The following MTFR2 variants were observed in gnomAD, a reference collection of about 807,000 sequenced individuals.
The protein encoded by MTFR2 is DUF729 domain-containing protein 1.
MTFR2 carries 44 observed loss-of-function variants against 41.2 expected under a neutral mutation model. The ratio of observed to expected loss-of-function variants is 1.07; its 90% CI spans 0.84 to 1.37. The LOEUF is 1.37. MTFR2 is among the 40% of genes most tolerant of loss of function. The pLI, the probability that MTFR2 is intolerant of heterozygous loss-of-function variation, is 0.00. For synonymous variants in MTFR2, 141 were observed against 154.6 expected (o/e 0.91, Z 0.65); for missense variants, 452 against 459.5 (o/e 0.98, Z 0.15).
At chr6:136,239,930 G>T in intron 5 of MTFR2, 110 bp from the exon 6 acceptor site, 1 of 804,774 alleles carries the variant, frequency 1.2e-6, no homozygotes, top group Non-Finnish European at 1.9e-6. Context: ...AATGCTAGTA[G>T]CGATATGGTA....
At chr6:136,245,197 A>T (rs914978376) in intron 2 of MTFR2, among the ~76,000 whole-genome samples, 6 of 152,244 alleles carry the variant, frequency 3.9e-5, no homozygotes, top group African/African-American at 1.4e-4. Context: ...GTTCAAAAAA[A>T]TTGCATCCCC....
chr6:136,246,435 A>G (rs1403403323), intron 2 of MTFR2, among the ~76,000 whole-genome samples: 1 of 151,942 alleles, frequency 6.6e-6, no homozygotes, highest in Non-Finnish European at 1.5e-5. Context: ...GGTGCACACA[A>G]CCATGCCTGG....
rs547157667 is a variant in MTFR2 at position 136,249,112 on chromosome 6, T to C, written c.-13A>G. 1.3e-6 allele frequency: 2 copies of C among 1,568,246 alleles called. No individual in the cohort carries two copies. The highest frequency in any genetic ancestry group is 1.4e-5 in the African/African-American group (1 of 71,826). On this transcript the variant is annotated 5_prime_UTR_variant, in exon 2 of 8. Transcript: ENST00000420702. ...GTATGAGAGACATTGATGAAGCAAA[T>C]ACAGAAGCCAATTCAAAGGAACATT...
chr6:136,233,344 GA>G lies in MTFR2; in HGVS notation c.1024del (p.Ser342LeufsTer40). On this transcript the variant is annotated frameshift_variant, in exon 7 of 8. Coordinates refer to ENST00000420702, the MANE Select transcript of MTFR2 (RefSeq NM_001099286.3). LOFTEE classifies it high-confidence loss of function. The part of the protein sequence containing the change: ...ENRSWESSPF[S>X]SPETSRFGHH... Reference sequence around the variant, plus strand: ...GCTTACCCTTGAAGTTTCTGGACTAGAAAATGGGGAAGATTCCCAAGATCTA... The same window carrying G: ...GCTTACCCTTGAAGTTTCTGGACTAGAAATGGGGAAGATTCCCAAGATCTA... The G allele has an allele frequency of 6.2e-7, 1 of 1,612,722 alleles. No individual in the cohort carries two copies. The highest frequency in any genetic ancestry group is 8.5e-7 in the Non-Finnish European group (1 of 1,179,250).
intron 6 of MTFR2, among the ~76,000 whole-genome samples, chr6:136,235,988 C>T (rs972135264): frequency 1.3e-5 from 2 of 152,020 alleles, no homozygotes; most frequent in Admixed American, 6.6e-5. Flanking sequence ...TCAAATGCTG[C>T]CAAGAGGTCA....
intron 4 of MTFR2, among the ~76,000 whole-genome samples, 154 bp from the exon 5 acceptor site, chr6:136,241,830 AC>A (rs201875873): frequency 0.012 from 1,775 of 152,176 alleles, 32 homozygotes; most frequent in African/African-American, 0.04. Flanking sequence ...TGTAATCCCA[AC>A]ACTTTGGGGG....
chr6:136,237,461 C>A (rs1315901784), intron 6 of MTFR2, among the ~76,000 whole-genome samples: 1 of 152,100 alleles, frequency 6.6e-6, no homozygotes, highest in Non-Finnish European at 1.5e-5. Context: ...ATAAGACCAA[C>A]AAAACCAAAA....
rs539842885 is a variant in MTFR2 at position 136,231,173 on chromosome 6, A to G, written c.*102T>C. ...AAAATGTGTCAAGAAGAGTCTTTAA[A>G]TACATCTACTTTTAGCCTTTAACAG... On this transcript the variant is annotated 3_prime_UTR_variant, in exon 8 of 8. Transcript: ENST00000420702. 1.9e-5 allele frequency: 14 copies of G among 727,052 alleles called. No individual in the cohort carries two copies. In the Admixed American group the frequency reaches 3.1e-4, roughly 16 times the overall value. The allele number at this position is 727,052 out of a possible 1,614,324, so 45.0% of individuals were successfully genotyped here.
rs150719516 is a variant in MTFR2 at position 136,250,256 on chromosome 6, C to G, written c.-335G>C. Reference sequence around the variant, plus strand: ...GCGCCCCCGTCCTCCTGCGCCCAACCAACCCACCTGCTAGTCCCTAGGACC... The same window carrying G: ...GCGCCCCCGTCCTCCTGCGCCCAACGAACCCACCTGCTAGTCCCTAGGACC... On this transcript the variant is annotated 5_prime_UTR_variant, in exon 1 of 8. Coordinates refer to ENST00000420702, the MANE Select transcript of MTFR2 (RefSeq NM_001099286.3). 3 of 152,910 alleles carry G rather than the reference C, an allele frequency of 2.0e-5. No individual in the cohort carries two copies. The highest frequency in any genetic ancestry group is 2.9e-5 in the Non-Finnish European group (2 of 68,714). The allele number at this position is 152,910 out of a possible 1,614,324, so 9.5% of individuals were successfully genotyped here. A position where few individuals can be genotyped will look rare whatever the true frequency, so the allele number is the denominator to read the frequency against.
At chr6:136,246,066 G>A (rs541679199) in intron 2 of MTFR2, among the ~76,000 whole-genome samples, 10 of 152,032 alleles carry the variant, frequency 6.6e-5, no homozygotes, top group Non-Finnish European at 1.3e-4. Flanking sequence ...ATTCATCTGC[G>A]TACCCCTGCT....
Position 136,239,731 on chromosome 6 carries a change from G to C in MTFR2, c.604C>G (p.Pro202Ala). The change falls in exon 6 of 8, where the codon CCA becomes GCA. Residue 202 changes from proline to alanine, a missense_variant. By Grantham distance (27) the Pro-to-Ala change is conservative. Transcript: ENST00000420702. ...GGAGGAGGAGAAAGCACTGAACCTG[G>C]AAGCTGATCTGGGTCCACACTCAGA... ...AHLSVDPDQL[P>A]GSVLSPPPPP... 1.2e-6 allele frequency: 2 copies of C among 1,614,082 alleles called. No homozygotes were observed. The highest frequency in any genetic ancestry group is 1.7e-6 in the Non-Finnish European group (2 of 1,180,016).
chr6:136,233,293 T>A, intron 7 of MTFR2, 32 bp downstream of exon 7: 1 of 1,592,756 alleles, frequency 6.3e-7, no homozygotes. Flanking sequence ...TGAGAAAAAC[T>A]GAAAAATTAA....
At chr6:136,245,717 G>A (rs1437507420) in intron 2 of MTFR2, among the ~76,000 whole-genome samples, 1 of 152,184 alleles carries the variant, frequency 6.6e-6, no homozygotes, top group Non-Finnish European at 1.5e-5. Context: ...CATCATGTGA[G>A]GTCAGGTGTA....
intron 7 of MTFR2, among the ~76,000 whole-genome samples, chr6:136,232,961 C>T: frequency 6.6e-6 from 1 of 152,200 alleles, no homozygotes. Flanking sequence ...GGCGTATTCA[C>T]ATTCCATATG....
chr6:136,231,381 T>G lies in MTFR2; in HGVS notation c.1052A>C (p.His351Pro). The change falls in exon 8 of 8, where the codon CAT becomes CCT. Residue 351 changes from histidine to proline, a missense_variant. Physicochemically the swap from His to Pro is moderately conservative, Grantham distance 77 (BLOSUM62 -2). Transcript: ENST00000420702. ...FSSPETSRFG[H>P]HISQSEGQRT... ...CTGTCCTTCTGACTGTGAAATGTGA[T>G]GTCCAAACTGAAATAAAGCAAATAT... 1 of 1,597,718 alleles carries G rather than the reference T, an allele frequency of 6.3e-7. No individual in the cohort carries two copies. Among genetic ancestry groups the G allele is most frequent in the Non-Finnish European group, 8.5e-7 (1 of 1,169,930 alleles).
intron 6 of MTFR2, among the ~76,000 whole-genome samples, chr6:136,235,348 A>T (rs147018235): frequency 2.0e-5 from 3 of 152,332 alleles, no homozygotes; most frequent in African/African-American, 7.2e-5. Context: ...AGACAGGCAA[A>T]TAAAGATGTC....
At chr6:136,240,806 T>C (rs931778598) in intron 5 of MTFR2, among the ~76,000 whole-genome samples, 2 of 152,158 alleles carry the variant, frequency 1.3e-5, no homozygotes, top group Non-Finnish European at 2.9e-5. Context: ...AAAAGCTTAC[T>C]GAGGGCCGGG....
At chr6:136,235,042 A>G (rs998334352) in intron 6 of MTFR2, among the ~76,000 whole-genome samples, 1 of 152,172 alleles carries the variant, frequency 6.6e-6, no homozygotes. Context: ...GGTGTGCGCC[A>G]TCATGTCAGG....
intron 3 of MTFR2, among the ~76,000 whole-genome samples, 155 bp downstream of exon 3, chr6:136,244,610 A>C (rs1413967644): frequency 6.6e-6 from 1 of 152,214 alleles, no homozygotes; most frequent in Non-Finnish European, 1.5e-5. Flanking sequence ...ACAAAAACAC[A>C]AAAACATATA....
Sources: allele counts gnomAD v4.1 joint callset (sites outside exome capture counted in the v4.1 genomes callset), GRCh38; gene constraint gnomAD v4.1.1; transcripts MANE v1.5; gene names NCBI Gene and HGNC (gene_info 2026-07-23, HGNC 2026-07-21).